The following HDAC9 variants were observed in gnomAD, a reference collection of about 807,000 sequenced individuals.
HDAC9 encodes histone deacetylase 9.
A neutral mutation model predicts 139.4 loss-of-function variants in HDAC9; 41 were observed. The observed-to-expected ratio is 0.29, with a 90% CI of 0.23 to 0.38. The LOEUF is 0.38. HDAC9 is among the 10% of genes least tolerant of loss of function. The probability of loss-of-function intolerance (pLI) is 1.00; values close to 1 mark genes in which losing one functional copy is unlikely to be tolerated. For synonymous variants in HDAC9, 517 were observed against 476.2 expected (o/e 1.09, Z -1.12); for missense variants, 1,147 against 1,297.0 (o/e 0.88, Z 1.78).
At chr7:18,370,908 G>T (rs1322972808) in intron 1 of HDAC9, among the ~76,000 whole-genome samples, 1 of 152,068 alleles carries the variant, frequency 6.6e-6, no homozygotes, top group African/African-American at 2.4e-5. Flanking sequence ...AGAGGTTTGG[G>T]TCTCCTAAGC....
chr7:18,367,734 T>C (rs1371404815), intron 1 of HDAC9, among the ~76,000 whole-genome samples: 1 of 152,092 alleles, frequency 6.6e-6, no homozygotes, highest in Admixed American at 6.6e-5. Context: ...TGGGTACATG[T>C]TCAACTGTGT....
intron 1 of HDAC9, among the ~76,000 whole-genome samples, chr7:18,396,577 A>G (rs546957727): frequency 3.0e-4 from 46 of 152,156 alleles, no homozygotes; most frequent in African/African-American, 9.9e-4. Context: ...ATTAGATTCT[A>G]TCCTGGAAAT....
At chr7:18,993,452 A>G (rs1786168278) in intron 25 of HDAC9, among the ~76,000 whole-genome samples, 1 of 152,162 alleles carries the variant, frequency 6.6e-6, no homozygotes, top group Admixed American at 6.5e-5. Context: ...CTACCTTGAA[A>G]TCCAGGATAT....
chr7:18,875,522 C>T (rs1331450093), intron 22 of HDAC9, among the ~76,000 whole-genome samples: 7 of 152,120 alleles, frequency 4.6e-5, no homozygotes, highest in Non-Finnish European at 1.0e-4. Flanking sequence ...GCTGGCTTCT[C>T]ATGTGAAAGA....
chr7:18,264,263 T>A (rs1348661686), intron 2 of HDAC9, among the ~76,000 whole-genome samples: 1 of 152,168 alleles, frequency 6.6e-6, no homozygotes. Context: ...AAGCCATATT[T>A]GCTAGGCCAT....
At chr7:18,901,000 T>C (rs1054589802) in intron 22 of HDAC9, among the ~76,000 whole-genome samples, 4 of 152,078 alleles carry the variant, frequency 2.6e-5, no homozygotes, top group Non-Finnish European at 5.9e-5. Context: ...TTTGGGACTA[T>C]GTTAGGAAAT....
chr7:18,633,518 G>A (rs534476236), intron 7 of HDAC9, among the ~76,000 whole-genome samples: 34 of 152,102 alleles, frequency 2.2e-4, no homozygotes, highest in Non-Finnish European at 4.0e-4. Flanking sequence ...ATGTGTGAGC[G>A]TTAGAGAGGA....
chr7:18,248,758 C>T (rs1239954860), intron 2 of HDAC9, among the ~76,000 whole-genome samples: 1 of 152,134 alleles, frequency 6.6e-6, no homozygotes, highest in Non-Finnish European at 1.5e-5. Context: ...AACTATTTGG[C>T]TTATTTATCT....
At chr7:18,347,905 T>C (rs1585292155) in intron 1 of HDAC9, among the ~76,000 whole-genome samples, 1 of 152,276 alleles carries the variant, frequency 6.6e-6, no homozygotes, top group East Asian at 1.9e-4. Context: ...TGTATCTCAG[T>C]GCCCTCTGTT....
intron 2 of HDAC9, among the ~76,000 whole-genome samples, chr7:18,197,861 A>G (rs1468447278): frequency 6.6e-6 from 1 of 152,196 alleles, no homozygotes; most frequent in Non-Finnish European, 1.5e-5. Context: ...ACCAGGAATT[A>G]GGATTTATTT....
chr7:18,242,906 G>C (rs1005965495), intron 2 of HDAC9, among the ~76,000 whole-genome samples: 1 of 152,182 alleles, frequency 6.6e-6, no homozygotes, highest in Non-Finnish European at 1.5e-5. Flanking sequence ...GACAGAAAGA[G>C]ACCTTCATGC....
intron 1 of HDAC9, among the ~76,000 whole-genome samples, chr7:18,425,035 C>A (rs953041729): frequency 1.3e-5 from 2 of 151,926 alleles, no homozygotes; most frequent in African/African-American, 4.8e-5. Context: ...TTGTGGGTTA[C>A]CTAGGAGAGG....
intron 12 of HDAC9, chr7:18,668,668 A>C: frequency 1.0e-6 from 1 of 980,978 alleles, no homozygotes; most frequent in Non-Finnish European, 1.2e-6. Context: ...AGCTGGACTT[A>C]AATAATCTTA....
intron 14 of HDAC9, among the ~76,000 whole-genome samples, chr7:18,750,271 A>T (rs1200168088): frequency 6.6e-6 from 1 of 152,108 alleles, no homozygotes; most frequent in Non-Finnish European, 1.5e-5. Flanking sequence ...TTCTTTATGG[A>T]TTTGTTTCTT....
Position 18,651,785 on chromosome 7 carries a change from T to C in HDAC9, c.1467+3102T>C, listed in dbSNP as rs930093927. On this transcript the variant is annotated intron_variant, in intron 11 of 25. Coordinates refer to ENST00000686413, the MANE Select transcript of HDAC9 (RefSeq NM_178425.4). The stretch of plus-strand genomic sequence containing the variant: ...TTGGGATATTTGTGGGATAGTTGTG[T>C]GTTCTAAGATTATTTGCCTCTTACA... Among the ~76,000 whole-genome samples the C allele has an allele frequency of 3.9e-5, 6 of 152,264 alleles. No homozygotes were observed. The East Asian group carries it at 1.2e-3, about 29-fold the overall frequency.
At position 18,486,785 on chromosome 7, in the gene HDAC9, A is replaced by T. The variant is rs1434082674; in HGVS notation, c.-41-9477A>T. ...TTTGGGTATAATTTCGTCCAGAAAA[A>T]ATATTAGATTTGGGAAGGGTGGTAG... On this transcript the variant is annotated intron_variant, in intron 1 of 3. Coordinates refer to the HDAC9 transcript ENST00000413509. Among the ~76,000 whole-genome samples, 3 of 152,008 alleles carry T rather than the reference A, an allele frequency of 2.0e-5. No homozygotes were observed. The East Asian group carries it at 5.8e-4, about 29-fold the overall frequency.
At chr7:18,893,048 A>AAAAT (rs1259318633) in intron 22 of HDAC9, among the ~76,000 whole-genome samples, 1 of 145,216 alleles carries the variant, frequency 6.9e-6, no homozygotes, top group Admixed American at 6.7e-5. Flanking sequence ...AAAAAAAAAA[A>AAAAT]AAAAAAGAAA....
At chr7:18,871,329 T>G (rs1475153459) in intron 21 of HDAC9, among the ~76,000 whole-genome samples, 3 of 152,176 alleles carry the variant, frequency 2.0e-5, no homozygotes, top group Non-Finnish European at 4.4e-5. Flanking sequence ...GTATTTTCCC[T>G]GATGCAGTGC....
intron 1 of HDAC9, among the ~76,000 whole-genome samples, chr7:18,340,794 A>G (rs895896276): frequency 6.6e-6 from 1 of 151,572 alleles, no homozygotes; most frequent in African/African-American, 2.4e-5. Flanking sequence ...ATTTTTTCAT[A>G]TGGTTACCTT....
Sources: gnomAD v4.1 joint callset for allele counts (sites outside exome capture counted in the v4.1 genomes callset) on GRCh38, gnomAD v4.1.1 for gene constraint, MANE v1.5 for transcripts, NCBI Gene and HGNC (gene_info 2026-07-23, HGNC 2026-07-21) for gene names.